Variants in WWOX observed in about 807,000 individuals in gnomAD.
WWOX encodes WW domain containing oxidoreductase, also known as WW domain-containing oxidoreductase.
A neutral mutation model predicts 46.2 loss-of-function variants in WWOX; 69 were observed. That is an observed-to-expected ratio of 1.49 (90% CI 1.23 to 1.82). The LOEUF (loss-of-function observed/expected upper bound fraction) is 1.82, where lower values mean the gene tolerates loss of function less well. Ranked by LOEUF, WWOX falls within the 40% of genes most tolerant of loss-of-function variation. The pLI, the probability that WWOX is intolerant of heterozygous loss-of-function variation, is 0.00. For synonymous variants in WWOX, 359 were observed against 202.6 expected (o/e 1.77, Z -6.56); for missense variants, 919 against 542.6 (o/e 1.69, Z -6.89).
intron 8 of WWOX, among the ~76,000 whole-genome samples, chr16:79,184,845 G>C (rs957648572): frequency 3.3e-5 from 5 of 152,194 alleles, no homozygotes; most frequent in African/African-American, 1.2e-4. Context: ...GAGACAGTTG[G>C]CTCCAGAGGA....
chr16:78,322,907 C>T (rs1396559693), intron 5 of WWOX, among the ~76,000 whole-genome samples: 3 of 152,178 alleles, frequency 2.0e-5, no homozygotes, highest in African/African-American at 7.2e-5. Flanking sequence ...TCACAACTTA[C>T]TCTGATCTCT....
rs572821200 is a variant in WWOX, at chr16:78,409,335, C to G, written c.606-15535C>G. On this transcript the variant is annotated intron_variant, in intron 6 of 8. Coordinates refer to ENST00000566780, the MANE Select transcript of WWOX (RefSeq NM_016373.4). ...GTCAAGATACAGAACAGTGCCATCACCCCCCAAATGTCCTCTGTGCCTTAC... is the reference window on the plus strand; with the variant it reads ...GTCAAGATACAGAACAGTGCCATCAGCCCCCAAATGTCCTCTGTGCCTTAC... Among the ~76,000 whole-genome samples, 11 of 152,202 alleles carry G rather than the reference C, an allele frequency of 7.2e-5. No individual in the cohort carries two copies. The East Asian group carries it at 1.9e-3, about 27-fold the overall frequency.
At chr16:78,182,950 C>CAAAAAAAA (rs1193436425) in intron 5 of WWOX, among the ~76,000 whole-genome samples, 1 of 115,046 alleles carries the variant, frequency 8.7e-6, no homozygotes, top group Non-Finnish European at 1.8e-5. Flanking sequence ...GAATCTGTCT[C>CAAAAAAAA]AAAAAAAAAA....
chr16:79,028,822 A>G (rs1036567476), intron 8 of WWOX, among the ~76,000 whole-genome samples: 32 of 151,730 alleles, frequency 2.1e-4, no homozygotes, highest in Admixed American at 1.8e-3. Flanking sequence ...TGGTTTTCCA[A>G]TCTTCAAACC....
At chr16:79,086,637 T>C (rs1408416996) in intron 8 of WWOX, among the ~76,000 whole-genome samples, 1 of 152,162 alleles carries the variant, frequency 6.6e-6, no homozygotes, top group Non-Finnish European at 1.5e-5. Context: ...TTCCAACACT[T>C]TGGGAGGCCA....
At chr16:78,301,036 C>G (rs28394853) in intron 5 of WWOX, among the ~76,000 whole-genome samples, 5,900 of 152,212 alleles carry the variant, frequency 0.039, 196 homozygotes, top group African/African-American at 0.089. Context: ...ATCCATCCAT[C>G]CATCATCCAT....
At chr16:78,347,550 C>A (rs1272021906) in intron 5 of WWOX, among the ~76,000 whole-genome samples, 2 of 119,454 alleles carry the variant, frequency 1.7e-5, no homozygotes, top group African/African-American at 5.7e-5. Context: ...AGGCGTGTTG[C>A]ATCTTCCTGA....
chr16:78,268,137 T>C (rs2079406806), intron 5 of WWOX, among the ~76,000 whole-genome samples: 3 of 152,190 alleles, frequency 2.0e-5, no homozygotes, highest in African/African-American at 7.2e-5. Context: ...GATTTTCCTC[T>C]ATGAATTCCA....
Position 78,437,818 on chromosome 16 carries a change from A to G in WWOX, c.1056+5066A>G, listed in dbSNP as rs529273006. 1.8e-4 allele frequency among the ~76,000 whole-genome samples: 28 copies of G among 152,350 alleles called. No individual in the cohort carries two copies. In the East Asian group the frequency reaches 5.0e-3, roughly 27 times the overall value. ...AATAATGAAGTCACATCATACGTGC[A>G]TTACATGTTTATTTTCTTGACTCTA... On this transcript the variant is annotated intron_variant, in intron 8 of 8. Transcript: ENST00000566780.
intron 4 of WWOX, among the ~76,000 whole-genome samples, chr16:78,145,484 C>T (rs1033357012): frequency 7.9e-5 from 12 of 152,102 alleles, no homozygotes; most frequent in Admixed American, 3.3e-4. Context: ...AGATAAAGGC[C>T]GGAAGACTCA....
At chr16:79,088,356 T>G (rs895958713) in intron 8 of WWOX, among the ~76,000 whole-genome samples, 4 of 152,166 alleles carry the variant, frequency 2.6e-5, no homozygotes, top group Admixed American at 2.0e-4. Flanking sequence ...GGCAGGAATT[T>G]TGCAGCTGGA....
rs185954564 is a variant in WWOX, at chr16:78,843,530, A to C, written c.1057-368078A>C. 1.3e-4 allele frequency among the ~76,000 whole-genome samples: 19 copies of C among 150,024 alleles called. 1 individual carries two copies. The highest frequency in any genetic ancestry group is 4.4e-4 in the African/African-American group (18 of 41,370). On this transcript the variant is annotated intron_variant, in intron 8 of 8. Coordinates refer to ENST00000566780, the MANE Select transcript of WWOX (RefSeq NM_016373.4). ...ACAAACCCACAAATGACATGTTTTGACTCTTTGACACAGAATGGTTGGAAA... is the reference window on the plus strand; with the variant it reads ...ACAAACCCACAAATGACATGTTTTGCCTCTTTGACACAGAATGGTTGGAAA...
At position 78,950,457 on chromosome 16, in the gene WWOX, A is replaced by C. The variant is rs189336758; in HGVS notation, c.1057-261151A>C. ...GAAAAAGATGTTGGGTTGGAAAGCTAAGTTACAGCAGGTGAACTTGAATTT... is the reference window on the plus strand; with the variant it reads ...GAAAAAGATGTTGGGTTGGAAAGCTCAGTTACAGCAGGTGAACTTGAATTT... On this transcript the variant is annotated intron_variant, in intron 8 of 8. Coordinates refer to ENST00000566780, the MANE Select transcript of WWOX (RefSeq NM_016373.4). Among the ~76,000 whole-genome samples, 7 of 151,978 alleles carry C rather than the reference A, an allele frequency of 4.6e-5. No homozygotes were observed. The East Asian group carries it at 1.2e-3, about 25-fold the overall frequency.
intron 8 of WWOX, among the ~76,000 whole-genome samples, chr16:78,449,864 T>G (rs1464798099): frequency 6.6e-6 from 1 of 152,072 alleles, no homozygotes; most frequent in Non-Finnish European, 1.5e-5. Flanking sequence ...AGAATTTGGA[T>G]TTGAGTTACA....
At chr16:78,738,272 A>G (rs1389303951) in intron 8 of WWOX, among the ~76,000 whole-genome samples, 1 of 152,096 alleles carries the variant, frequency 6.6e-6, no homozygotes, top group Non-Finnish European at 1.5e-5. Context: ...TTCTAATATT[A>G]TATATTAGGT....
At position 78,369,978 on chromosome 16, in the gene WWOX, C is replaced by T. The variant is rs916533465; in HGVS notation, c.517-16882C>T. Reference sequence around the variant, plus strand: ...TGAAACCCCATCTCTACTAAAACTACAAAAATAGCCAGGTGTCCTGGTGCA... The same window carrying T: ...TGAAACCCCATCTCTACTAAAACTATAAAAATAGCCAGGTGTCCTGGTGCA... On this transcript the variant is annotated intron_variant, in intron 5 of 8. Transcript: ENST00000566780. Among the ~76,000 whole-genome samples, 28 of 151,856 alleles carry T rather than the reference C, an allele frequency of 1.8e-4. 1 individual carries two copies.
intron 5 of WWOX, among the ~76,000 whole-genome samples, chr16:78,356,071 TAAA>T (rs61113878): frequency 1.1e-3 from 83 of 76,134 alleles, no homozygotes; most frequent in East Asian, 0.01. Context: ...TTTTTTTTCC[TAAA>T]AAAAAAAAAA....
intron 8 of WWOX, among the ~76,000 whole-genome samples, chr16:78,884,160 TACTCGGGAGGCTGAAGCAGGAGGATC>T (rs1242483303): frequency 6.6e-6 from 1 of 151,082 alleles, no homozygotes; most frequent in Non-Finnish European, 1.5e-5. Context: ...TAGTCCTAGT[TACTCGGGAGGCTGAAGCAGGAGGATC>T]ACCTGAGCCC....
At chr16:78,700,572 A>G (rs1313396856) in intron 8 of WWOX, among the ~76,000 whole-genome samples, 5 of 152,220 alleles carry the variant, frequency 3.3e-5, no homozygotes, top group African/African-American at 1.2e-4. Context: ...CTTCACAGGC[A>G]GGAAACCCAC....
Sources: gnomAD v4.1 joint callset for allele counts (sites outside exome capture counted in the v4.1 genomes callset) on GRCh38, gnomAD v4.1.1 for gene constraint, MANE v1.5 for transcripts, NCBI Gene and HGNC (gene_info 2026-07-23, HGNC 2026-07-21) for gene names.